The following LHX4 variants were observed in gnomAD, a reference collection of about 807,000 sequenced individuals.
The protein encoded by LHX4 is LIM homeobox 4.
Under a neutral mutation model 39.2 loss-of-function variants are expected in LHX4, and 16 were observed. The ratio of observed to expected loss-of-function variants is 0.41; its 90% confidence interval spans 0.28 to 0.62. LHX4 has a LOEUF of 0.62. LHX4 is among the 20% of genes least tolerant of loss of function. The pLI, the probability that LHX4 is intolerant of heterozygous loss-of-function variation, is 0.33. For synonymous variants in LHX4, 206 were observed against 198.1 expected, an observed-to-expected ratio of 1.04 and a Z score of -0.33; for missense variants, 439 against 511.9, an observed-to-expected ratio of 0.86 and a Z score of 1.37.
chr1:180,228,459 T>C (rs1241621598), upstream of LHX4, among the ~76,000 whole-genome samples: 1 of 152,194 alleles, frequency 6.6e-6, no homozygotes, highest in Non-Finnish European at 1.5e-5. Flanking sequence ...GCGTCGGGCA[T>C]CTCACAAACA....
rs1648329119 is a variant in LHX4, at chr1:180,266,669, C to T, written c.451+75C>T. On this transcript the variant is annotated intron_variant, in intron 3 of 5. Transcript: ENST00000263726. This position sits in a 1 kb window ranked among gnomAD's most constrained non-coding sequence, Gnocchi z 5.7. ...CACGCCCTCTGCCTGAGGTGCCCTT[C>T]TCATGGCGTCCCACCTGCCCATCCC... 7.0e-7 allele frequency: 1 copy of T among 1,428,420 alleles called. No individual in the cohort carries two copies. The highest frequency in any genetic ancestry group is 9.7e-7 in the Non-Finnish European group (1 of 1,033,382). 88.5% of individuals were successfully genotyped at this position (1,428,420 alleles called of 1,614,324 possible). A position where few individuals can be genotyped will look rare whatever the true frequency, so the allele number is the denominator to read the frequency against.
intron 2 of LHX4, among the ~76,000 whole-genome samples, chr1:180,254,078 A>G (rs1439310133): frequency 4.6e-5 from 7 of 152,244 alleles, no homozygotes; most frequent in African/African-American, 1.7e-4. Flanking sequence ...AAAGCCTTCA[A>G]GGACAATCCA....
chr1:180,251,087 G>C (rs757442629), intron 2 of LHX4, among the ~76,000 whole-genome samples: 5 of 152,110 alleles, frequency 3.3e-5, no homozygotes, highest in Non-Finnish European at 5.9e-5. Flanking sequence ...TGAGTCTTCC[G>C]CCAGGTGGGC....
At chr1:180,228,976 TG>T (rs1332027164), upstream of LHX4, among the ~76,000 whole-genome samples, 3 of 152,112 alleles carry the variant, frequency 2.0e-5, no homozygotes, top group Non-Finnish European at 2.9e-5. Flanking sequence ...GGCTGGGTCT[TG>T]GGGCAGACGG....
chr1:180,248,202 T>C, intron 1 of LHX4, 83 bp from the exon 2 acceptor site: 2 of 1,368,596 alleles, frequency 1.5e-6, no homozygotes, highest in Admixed American at 3.7e-5. Context: ...ATCAGCAGAG[T>C]GGGAAGGCAC....
intron 5 of LHX4, chr1:180,272,910 TCGTTCCCACAGGGAG>T (rs1648769574): frequency 6.6e-6 from 1 of 152,206 alleles, no homozygotes; most frequent in Non-Finnish European, 1.5e-5. Context: ...GAAGGCATGA[TCGTTCCCACAGGGAG>T]CGTGTGGCTC....
chr1:180,254,651 A>T (rs1647769441), intron 2 of LHX4, among the ~76,000 whole-genome samples: 1 of 152,170 alleles, frequency 6.6e-6, no homozygotes, highest in African/African-American at 2.4e-5. Flanking sequence ...ATATGGGGAA[A>T]AACAGGCTCG....
Position 180,230,551 on chromosome 1 carries a change from C to T in LHX4, c.22C>T (p.Pro8Ser). 1.9e-6 allele frequency: 3 copies of T among 1,613,958 alleles called. No homozygotes were observed. The highest frequency in any genetic ancestry group is 2.5e-6 in the Non-Finnish European group (3 of 1,179,994). The change falls in exon 1 of 6, where the codon CCC becomes TCC. Residue 8 changes from proline (P) to serine (S), a missense_variant. By Grantham distance (74) the Pro-to-Ser change is moderately conservative. Transcript: ENST00000263726. The surrounding 1 kb of genome is among the most constrained non-coding windows in gnomAD (Gnocchi z 5.8). MMQSATV[P>S]AEGAVKGLPE... Reference sequence around the variant, plus strand: ...CGAGATGATGCAGAGTGCGACTGTCCCCGCGGAAGGGGCTGTCAAGGGGCT... The same window carrying T: ...CGAGATGATGCAGAGTGCGACTGTCTCCGCGGAAGGGGCTGTCAAGGGGCT...
chr1:180,246,723 A>AACAAT, intron 1 of LHX4, among the ~76,000 whole-genome samples: 1 of 152,194 alleles, frequency 6.6e-6, no homozygotes, highest in African/African-American at 2.4e-5. Context: ...AACAAAACAA[A>AACAAT]ACAAACAAAA....
At chr1:180,250,404 G>A (rs1390384427) in intron 2 of LHX4, among the ~76,000 whole-genome samples, 1 of 152,238 alleles carries the variant, frequency 6.6e-6, no homozygotes, top group Non-Finnish European at 1.5e-5. Flanking sequence ...ATGTGTGTGT[G>A]AAGAGGGCAG....
Position 180,262,399 on chromosome 1 carries a change from A to G in LHX4, c.249-3993A>G, listed in dbSNP as rs539680020. Among the ~76,000 whole-genome samples, 6 of 151,946 alleles carry G rather than the reference A, an allele frequency of 3.9e-5. No homozygotes were observed. The South Asian group carries it at 1.2e-3, about 32-fold the overall frequency. Reference sequence around the variant, plus strand: ...TCTTTACTGCCTCCTTTTCCCTGTCATGCTCATCAGCTATGGCTTCTGTCC... The same window carrying G: ...TCTTTACTGCCTCCTTTTCCCTGTCGTGCTCATCAGCTATGGCTTCTGTCC... On this transcript the variant is annotated intron_variant, in intron 2 of 5. Coordinates refer to ENST00000263726, the MANE Select transcript of LHX4 (RefSeq NM_033343.4).
chr1:180,233,261 C>T (rs993845287), intron 1 of LHX4, among the ~76,000 whole-genome samples: 6 of 152,374 alleles, frequency 3.9e-5, no homozygotes, highest in African/African-American at 1.2e-4. Flanking sequence ...CACTCTGTCC[C>T]GGCCTCCCGC....
chr1:180,265,376 C>G (rs1050360719), intron 2 of LHX4, among the ~76,000 whole-genome samples: 3 of 152,214 alleles, frequency 2.0e-5, no homozygotes, highest in Admixed American at 6.5e-5. Context: ...CCTGCAGCCA[C>G]GCACCCTCCT....
chr1:180,274,810 G>A lies in LHX4; in HGVS notation c.*231G>A. ...TCAGAACACAGCACAGGGGGTAATG[G>A]CCTAGAGCTCTAGGGACACTGGCTT... On this transcript the variant is annotated 3_prime_UTR_variant, in exon 6 of 6. Coordinates refer to ENST00000263726, the MANE Select transcript of LHX4 (RefSeq NM_033343.4). 1.9e-6 allele frequency: 1 copy of A among 520,570 alleles called. No individual in the cohort carries two copies. The highest frequency in any genetic ancestry group is 3.4e-6 in the Non-Finnish European group (1 of 296,386). The allele number at this position is 520,570 out of a possible 1,614,324, so 32.2% of individuals were successfully genotyped here.
chr1:180,235,244 C>T (rs998541494), intron 1 of LHX4, among the ~76,000 whole-genome samples: 2 of 152,236 alleles, frequency 1.3e-5, no homozygotes, highest in African/African-American at 4.8e-5. Flanking sequence ...GGTTCGCGCC[C>T]GTTTTCGGAG....
chr1:180,248,645 A>G, intron 2 of LHX4, 189 bp downstream of exon 2: 1 of 687,812 alleles, frequency 1.5e-6, no homozygotes, highest in Non-Finnish European at 2.6e-6. Flanking sequence ...CATCACTGCC[A>G]GAGGTTCAGC....
intron 3 of LHX4, chr1:180,270,049 C>T (rs1406569912): frequency 1.3e-5 from 2 of 152,280 alleles, no homozygotes; most frequent in Non-Finnish European, 2.9e-5. Flanking sequence ...CTTCATTCCT[C>T]TAGTGCCTCC....
At chr1:180,250,350 C>CGT in intron 2 of LHX4, among the ~76,000 whole-genome samples, 1 of 46,408 alleles carries the variant, frequency 2.2e-5, no homozygotes, top group Non-Finnish European at 4.3e-5. Flanking sequence ...TGTGTGTGTG[C>CGT]GCGCGTGGGT....
chr1:180,230,341 T>A lies in LHX4; in HGVS notation c.-189T>A. On this transcript the variant is annotated 5_prime_UTR_variant, in exon 1 of 6. Transcript: ENST00000263726. The surrounding 1 kb of genome is among the most constrained non-coding windows in gnomAD (Gnocchi z 5.8). ...GAGATCAAAGGGACTGGAAACAGAC[T>A]GGGGACTGGCGGGGGGAGGGGGCCG... is the stretch of plus-strand genomic sequence containing the variant. The A allele has an allele frequency of 1.6e-6, 1 of 639,298 alleles. No homozygotes were observed. The highest frequency in any genetic ancestry group is 2.8e-6 in the Non-Finnish European group (1 of 354,924). 39.6% of individuals were successfully genotyped at this position (639,298 alleles called of 1,614,324 possible).
Sources: allele counts gnomAD v4.1 joint callset (sites outside exome capture counted in the v4.1 genomes callset), GRCh38; gene constraint gnomAD v4.1.1; non-coding constraint Gnocchi (gnomAD v3.1); transcripts MANE v1.5; gene names NCBI Gene and HGNC (gene_info 2026-07-23, HGNC 2026-07-21).